VAC14: variants seen among roughly 807,000 people sequenced by gnomAD.
The protein encoded by VAC14 is VAC14 component of PIKFYVE complex.
A neutral mutation model predicts 85.3 loss-of-function variants in VAC14; 47 were observed. The ratio of observed to expected loss-of-function variants is 0.55; its 90% confidence interval spans 0.44 to 0.70. VAC14 has a LOEUF of 0.70. Ranked by LOEUF, VAC14 falls within the 30% of genes least tolerant of loss-of-function variation. The probability of loss-of-function intolerance (pLI) is 0.00; values close to 1 mark genes in which losing one functional copy is unlikely to be tolerated. For synonymous variants in VAC14, 447 were observed against 430.5 expected (o/e 1.04, Z -0.47); for missense variants, 861 against 1,004.3 (o/e 0.86, Z 1.93).
At chr16:70,714,331 A>AT (rs1422124679) in intron 14 of VAC14, 1 of 152,270 alleles carries the variant, frequency 6.6e-6, no homozygotes, top group African/African-American at 2.4e-5. Flanking sequence ...ATATTCACAG[A>AT]CGGGGCACGC....
chr16:70,732,308 G>C (rs1212918690), intron 13 of VAC14, among the ~76,000 whole-genome samples: 3 of 152,196 alleles, frequency 2.0e-5, no homozygotes, highest in African/African-American at 7.2e-5. Flanking sequence ...GCTCTTTTAG[G>C]ATAGAACTCT....
chr16:70,698,961 T>C (rs1022022649), intron 14 of VAC14, 150 bp from the exon 15 acceptor site: 2 of 614,574 alleles, frequency 3.3e-6, no homozygotes, highest in Non-Finnish European at 5.5e-6. Context: ...AGGCCTGTGG[T>C]TGTGGGAGGG....
intron 14 of VAC14, among the ~76,000 whole-genome samples, chr16:70,712,210 G>A (rs780694061): frequency 6.6e-6 from 1 of 152,142 alleles, no homozygotes; most frequent in South Asian, 2.1e-4. Flanking sequence ...GATTAAACGC[G>A]TGAGAAATAA....
chr16:70,697,685 A>G (rs564168219), intron 15 of VAC14, among the ~76,000 whole-genome samples: 15 of 152,286 alleles, frequency 9.8e-5, no homozygotes, highest in African/African-American at 3.6e-4. Flanking sequence ...TCTGCAGTCC[A>G]CTTCGAACAC....
chr16:70,777,135 G>T (rs2033560908), intron 9 of VAC14, among the ~76,000 whole-genome samples: 1 of 151,710 alleles, frequency 6.6e-6, no homozygotes, highest in South Asian at 2.1e-4. Context: ...AGTAGAGACG[G>T]GGTTTCACCA....
intron 1 of VAC14, among the ~76,000 whole-genome samples, chr16:70,798,385 G>C (rs916698815): frequency 7.2e-5 from 11 of 152,200 alleles, no homozygotes; most frequent in Admixed American, 1.3e-4. Context: ...TTAATAGTCT[G>C]TGTTTGCTGA....
At chr16:70,699,450 A>G (rs893465230) in intron 14 of VAC14, 1 of 152,674 alleles carries the variant, frequency 6.5e-6, no homozygotes, top group African/African-American at 2.4e-5. Flanking sequence ...ACTTACGGCC[A>G]GAGTCACTTA....
intron 12 of VAC14, among the ~76,000 whole-genome samples, chr16:70,746,595 C>T (rs777090067): frequency 6.6e-6 from 1 of 152,202 alleles, no homozygotes; most frequent in East Asian, 1.9e-4. Flanking sequence ...CCGGGGAGCC[C>T]TGGGTGGGTC....
chr16:70,768,313 G>C (rs1026655754), intron 10 of VAC14: 2 of 157,484 alleles, frequency 1.3e-5, no homozygotes, highest in Non-Finnish European at 2.8e-5. Context: ...GCCACAGCCA[G>C]GCATGCTGGA....
chr16:70,792,554 C>T (rs2034384392), intron 1 of VAC14, among the ~76,000 whole-genome samples: 1 of 152,238 alleles, frequency 6.6e-6, no homozygotes, highest in Non-Finnish European at 1.5e-5. Flanking sequence ...AGTGGCATTG[C>T]AGGATGGCAG....
rs759885890 is a variant in VAC14, at chr16:70,781,939, G to A, written c.876C>T (p.Val292=). The part of the protein sequence containing the change: ...MREFIQLAGR[V]MLPYSSGILT... Reference sequence around the variant, plus strand: ...GGATCCCGGAGGAGTAAGGCAGCATGACGCGGCCCGCCAGCTGGATGAACT... The same window carrying A: ...GGATCCCGGAGGAGTAAGGCAGCATAACGCGGCCCGCCAGCTGGATGAACT... Residue 292 remains valine, a synonymous_variant, in exon 8 of 19, where the codon GTC becomes GTT. Transcript: ENST00000261776. 2 of 1,614,156 alleles carry A rather than the reference G, an allele frequency of 1.2e-6. No individual in the cohort carries two copies. Among genetic ancestry groups the A allele is most frequent in the Non-Finnish European group, 1.7e-6 (2 of 1,180,038 alleles).
chr16:70,767,390 T>TA (rs1228021094), intron 10 of VAC14, among the ~76,000 whole-genome samples: 1 of 152,200 alleles, frequency 6.6e-6, no homozygotes, highest in Non-Finnish European at 1.5e-5. Flanking sequence ...ACTTGCTCTT[T>TA]AAAATACAGA....
At position 70,687,572 on chromosome 16, in the gene VAC14, T is replaced by C. The variant is rs2053517609; in HGVS notation, c.*356A>G. ...AGGCATGTGTTCACGTATGTATACA[T>C]ATACACACAAGGCCAGAGCTCTAGT... On this transcript the variant is annotated 3_prime_UTR_variant, in exon 19 of 19. Transcript: ENST00000261776. 3 of 198,680 alleles carry C rather than the reference T, an allele frequency of 1.5e-5. No homozygotes were observed. Among genetic ancestry groups the C allele is most frequent in the Admixed American group, 1.2e-4 (2 of 16,594 alleles). The allele number at this position is 198,680 out of a possible 1,614,324, so 12.3% of individuals were successfully genotyped here.
chr16:70,783,698 G>A, intron 5 of VAC14, 144 bp from the exon 6 acceptor site: 1 of 775,762 alleles, frequency 1.3e-6, no homozygotes, highest in Non-Finnish European at 2.1e-6. Context: ...TGGGAGGAGG[G>A]TGCTGGCAAG....
At position 70,781,855 on chromosome 16, in the gene VAC14, A is replaced by G. The variant is rs2143247957; in HGVS notation, c.946+14T>C. ...GGGCTTCTCTCAATTATTCTCTCCC[A>G]AAGCAAAGGATACTTTTCTTGCGGT... On this transcript the variant is annotated intron_variant, in intron 8 of 18. Transcript: ENST00000261776. 6.2e-7 allele frequency: 1 copy of G among 1,613,520 alleles called. No individual in the cohort carries two copies. The highest frequency in any genetic ancestry group is 1.1e-5 in the South Asian group (1 of 91,062).
At chr16:70,707,180 A>C (rs1024274358) in intron 14 of VAC14, among the ~76,000 whole-genome samples, 1 of 152,236 alleles carries the variant, frequency 6.6e-6, no homozygotes, top group African/African-American at 2.4e-5. Flanking sequence ...TCTGCTTCCA[A>C]GTATGAAAAC....
At chr16:70,789,481 T>A (rs995644076) in intron 1 of VAC14, among the ~76,000 whole-genome samples, 4 of 152,008 alleles carry the variant, frequency 2.6e-5, no homozygotes, top group African/African-American at 9.7e-5. Context: ...TAAAGGGAGG[T>A]GCGCACACAG....
intron 10 of VAC14, chr16:70,771,246 G>T (rs1444466928): frequency 1.3e-5 from 2 of 152,370 alleles, no homozygotes; most frequent in East Asian, 3.9e-4. Context: ...TTATTTTGCT[G>T]CCTGGTCTGC....
At chr16:70,732,371 G>GA (rs1483565241) in intron 13 of VAC14, among the ~76,000 whole-genome samples, 1 of 152,194 alleles carries the variant, frequency 6.6e-6, no homozygotes, top group African/African-American at 2.4e-5. Context: ...AAATGTCTCT[G>GA]ACGCGTGTCC....
Sources: allele counts gnomAD v4.1 joint callset (sites outside exome capture counted in the v4.1 genomes callset), GRCh38; gene constraint gnomAD v4.1.1; transcripts MANE v1.5; gene names NCBI Gene and HGNC (gene_info 2026-07-23, HGNC 2026-07-21).